The following TMEM232 variants were observed in gnomAD, a reference collection of about 807,000 sequenced individuals.
TMEM232 encodes the protein transmembrane protein 232.
In TMEM232, 80 loss-of-function variants were observed where a neutral mutation model predicts 78.8. The ratio of observed to expected loss-of-function variants is 1.01; its 90% CI spans 0.85 to 1.22. The LOEUF (loss-of-function observed/expected upper bound fraction) is 1.22, where lower values mean the gene tolerates loss of function less well. TMEM232 is among the 50% of genes most tolerant of loss of function. TMEM232 has a pLI of 0.00. For missense variants in TMEM232, 881 were observed against 742.2 expected (o/e 1.19, Z -2.17); for synonymous variants, 297 against 254.3 (o/e 1.17, Z -1.60).
At chr5:110,660,605 G>A (rs1295366607) in intron 2 of TMEM232, among the ~76,000 whole-genome samples, 1 of 152,052 alleles carries the variant, frequency 6.6e-6, no homozygotes, top group Non-Finnish European at 1.5e-5. Flanking sequence ...ACGTAAGGTA[G>A]AATACCAGAT....
At chr5:110,418,279 A>T (rs1205565131), downstream of TMEM232, 1 of 152,144 alleles carries the variant, frequency 6.6e-6, no homozygotes, top group African/African-American at 2.4e-5. Context: ...CTCTTTACAT[A>T]AATTGTGTCA....
chr5:110,710,425 A>C (rs570960703), intron 1 of TMEM232, among the ~76,000 whole-genome samples: 1 of 152,262 alleles, frequency 6.6e-6, no homozygotes, highest in East Asian at 1.9e-4. Flanking sequence ...CAGCAAAATC[A>C]GACAAAGACA....
chr5:110,498,755 G>A (rs1004604506), intron 12 of TMEM232, among the ~76,000 whole-genome samples: 4 of 152,130 alleles, frequency 2.6e-5, no homozygotes, highest in African/African-American at 9.7e-5. Flanking sequence ...TTCTAGAGCA[G>A]ATGGAAATTA....
intron 12 of TMEM232, among the ~76,000 whole-genome samples, chr5:110,514,391 T>A (rs1183258793): frequency 1.3e-5 from 2 of 152,080 alleles, no homozygotes; most frequent in Non-Finnish European, 2.9e-5. Flanking sequence ...ACAATCTTAC[T>A]AAGAATTAAA....
At chr5:110,735,805 T>C (rs1354370207) in intron 1 of TMEM232, among the ~76,000 whole-genome samples, 1 of 152,192 alleles carries the variant, frequency 6.6e-6, no homozygotes, top group Admixed American at 6.5e-5. Context: ...TGAAACCTCA[T>C]TAACAGCAAT....
intron 2 of TMEM232, among the ~76,000 whole-genome samples, chr5:110,662,403 G>C (rs1189042953): frequency 2.0e-5 from 3 of 152,060 alleles, no homozygotes; most frequent in Non-Finnish European, 4.4e-5. Flanking sequence ...TTATAAATTA[G>C]AATATGGTTA....
intron 1 of TMEM232, among the ~76,000 whole-genome samples, chr5:110,715,033 T>C (rs1796875355): frequency 1.3e-5 from 2 of 152,170 alleles, no homozygotes; most frequent in East Asian, 3.8e-4. Flanking sequence ...TTTACACATA[T>C]CTGTCTCTTA....
intron 1 of TMEM232, among the ~76,000 whole-genome samples, chr5:110,708,210 G>C (rs1796131231): frequency 1.3e-5 from 2 of 152,118 alleles, no homozygotes; most frequent in African/African-American, 4.8e-5. Flanking sequence ...CAACAAGCAG[G>C]CTCTTGGAAT....
chr5:110,525,499 G>A (rs1321068493), intron 12 of TMEM232, among the ~76,000 whole-genome samples: 1 of 151,670 alleles, frequency 6.6e-6, no homozygotes, highest in Non-Finnish European at 1.5e-5. Flanking sequence ...AAAAATGCAA[G>A]GCATATATGA....
In TMEM232 at chr5:110,556,835, G is replaced by C. The variant is rs146129292; in HGVS notation, c.1455+11612C>G. On this transcript the variant is annotated intron_variant, in intron 11 of 13. Transcript: ENST00000455884. The stretch of plus-strand genomic sequence containing the variant: ...ACATTTTTTCTTTCACATTGATCTT[G>C]GAGTATCTGATAACTATGAGTCTTG... Among the ~76,000 whole-genome samples the C allele has an allele frequency of 1.1e-4, 16 of 152,136 alleles. No homozygotes were observed. In the East Asian group the frequency reaches 2.9e-3, roughly 28 times the overall value.
chr5:110,554,907 AT>A (rs1348525312), intron 11 of TMEM232, among the ~76,000 whole-genome samples: 1 of 151,976 alleles, frequency 6.6e-6, no homozygotes, highest in Non-Finnish European at 1.5e-5. Context: ...GTTTCCAGGA[AT>A]TTATCTATTC....
intron 1 of TMEM232, among the ~76,000 whole-genome samples, chr5:110,671,203 A>G (rs1183905970): frequency 6.6e-6 from 1 of 152,140 alleles, no homozygotes; most frequent in Non-Finnish European, 1.5e-5. Flanking sequence ...AATGAGATAC[A>G]ATCTCACACC....
intron 12 of TMEM232, among the ~76,000 whole-genome samples, chr5:110,467,993 T>C (rs1392573580): frequency 6.6e-6 from 1 of 151,746 alleles, no homozygotes; most frequent in African/African-American, 2.4e-5. Context: ...TTGTGGCCAA[T>C]CCCCACTTTT....
chr5:110,540,170 G>T (rs1369566332), intron 11 of TMEM232, among the ~76,000 whole-genome samples: 1 of 152,216 alleles, frequency 6.6e-6, no homozygotes, highest in Non-Finnish European at 1.5e-5. Context: ...GAAAGGCATA[G>T]CTGTAGTAGT....
At chr5:110,387,562 C>T (rs145277314) in intron 5 of TMEM232, among the ~76,000 whole-genome samples, 6 of 152,106 alleles carry the variant, frequency 3.9e-5, no homozygotes, top group African/African-American at 1.2e-4. Flanking sequence ...TTTACAGATC[C>T]ACCTTAAACT....
intron 1 of TMEM232, among the ~76,000 whole-genome samples, chr5:110,669,668 G>A (rs967365933): frequency 6.6e-6 from 1 of 152,110 alleles, no homozygotes; most frequent in Non-Finnish European, 1.5e-5. Flanking sequence ...GCCTGGCAGA[G>A]ACACAACCAA....
At chr5:110,627,754 T>A in intron 6 of TMEM232, 27 bp downstream of exon 6, 1 of 1,349,640 alleles carries the variant, frequency 7.4e-7, no homozygotes, top group Non-Finnish European at 1.0e-6. Context: ...AAAACATTTA[T>A]AAGTGTAAAA....
intron 12 of TMEM232, among the ~76,000 whole-genome samples, chr5:110,479,199 C>T (rs759137156): frequency 5.4e-4 from 82 of 151,624 alleles, no homozygotes; most frequent in Middle Eastern, 3.4e-3. Flanking sequence ...TTTCTTTTTG[C>T]CTACTTGCCC....
intron 12 of TMEM232, among the ~76,000 whole-genome samples, chr5:110,488,223 G>A (rs542794435): frequency 8.6e-5 from 13 of 152,046 alleles, no homozygotes; most frequent in Middle Eastern, 3.4e-3. Flanking sequence ...TTCTCAGTGA[G>A]GTTATATGGA....
Sources: gnomAD v4.1 joint callset for allele counts (sites outside exome capture counted in the v4.1 genomes callset) on GRCh38, gnomAD v4.1.1 for gene constraint, MANE v1.5 for transcripts, NCBI Gene and HGNC (gene_info 2026-07-23, HGNC 2026-07-21) for gene names.